The following DAB1 variants were observed in gnomAD, a reference collection of about 807,000 sequenced individuals.
The protein encoded by DAB1 is disabled homolog 1.
A neutral mutation model predicts 64.6 loss-of-function variants in DAB1; 15 were observed. The observed-to-expected ratio is 0.23, with a 90% CI of 0.16 to 0.36. DAB1 has a LOEUF of 0.36. Among genes scored for constraint, DAB1 ranks in the 10% least tolerant of loss-of-function variants. The pLI is 1.00. For synonymous variants in DAB1, 235 were observed against 251.9 expected (o/e 0.93, Z 0.64); for missense variants, 596 against 706.7 (o/e 0.84, Z 1.78).
intron 1 of DAB1, among the ~76,000 whole-genome samples, chr1:57,362,336 G>GT (rs1411164908): frequency 1.8e-5 from 2 of 112,764 alleles, no homozygotes; most frequent in African/African-American, 7.1e-5. Context: ...ATCATTGTTA[G>GT]TATTTATTAC....
intron 5 of DAB1, among the ~76,000 whole-genome samples, chr1:58,079,675 C>A (rs971873564): frequency 6.6e-6 from 1 of 151,886 alleles, no homozygotes; most frequent in African/African-American, 2.4e-5. Context: ...CACCTGCCAC[C>A]ACGCCTGGCT....
At chr1:57,038,246 G>T (rs150862199) in intron 9 of DAB1, among the ~76,000 whole-genome samples, 2 of 152,288 alleles carry the variant, frequency 1.3e-5, no homozygotes, top group African/African-American at 4.8e-5. Context: ...TGTCTAGACA[G>T]TACCATGAAA....
intron 1 of DAB1, chr1:58,530,625 C>G (rs1199111859): frequency 1.1e-6 from 1 of 872,710 alleles, no homozygotes; most frequent in Non-Finnish European, 2.0e-6. Context: ...ACTGTATCCA[C>G]TGGCACAAAA....
chr1:58,404,070 G>A (rs1644595301), intron 3 of DAB1, among the ~76,000 whole-genome samples: 1 of 152,200 alleles, frequency 6.6e-6, no homozygotes, highest in African/African-American at 2.4e-5. Context: ...GGTAGAACTA[G>A]AGCCAAGTTA....
intron 1 of DAB1, among the ~76,000 whole-genome samples, chr1:57,851,137 T>G (rs544901244): frequency 1.3e-5 from 2 of 152,360 alleles, no homozygotes; most frequent in South Asian, 2.1e-4. Context: ...TGCTAGCATC[T>G]ACCATTAAGA....
chr1:57,594,826 T>C (rs575238408), intron 7 of DAB1, among the ~76,000 whole-genome samples: 40 of 152,274 alleles, frequency 2.6e-4, no homozygotes, highest in African/African-American at 9.1e-4. Context: ...TTCTCCTGCC[T>C]CAGCCTCCCG....
chr1:57,845,253 A>C (rs555246497), intron 1 of DAB1, among the ~76,000 whole-genome samples: 4 of 152,282 alleles, frequency 2.6e-5, no homozygotes, highest in African/African-American at 7.2e-5. Flanking sequence ...CAACATTCAC[A>C]ATCTGATGAT....
chr1:57,360,715 G>C (rs918859955), intron 1 of DAB1, among the ~76,000 whole-genome samples: 3 of 152,092 alleles, frequency 2.0e-5, no homozygotes, highest in Admixed American at 2.0e-4. Context: ...AATTGCTTGA[G>C]TTTTAAAAGA....
intron 5 of DAB1, among the ~76,000 whole-genome samples, chr1:58,146,142 G>A (rs146772360): frequency 1.3e-5 from 2 of 152,082 alleles, no homozygotes; most frequent in Non-Finnish European, 2.9e-5. Flanking sequence ...TGACTGTTTA[G>A]GTTATTGGTA....
intron 3 of DAB1, among the ~76,000 whole-genome samples, chr1:58,464,444 A>G (rs1249720395): frequency 6.6e-6 from 1 of 152,112 alleles, no homozygotes; most frequent in African/African-American, 2.4e-5. Context: ...TATATTCTAA[A>G]TGGGGCCAGA....
At chr1:57,666,880 A>C in intron 6 of DAB1, among the ~76,000 whole-genome samples, 1 of 110,116 alleles carries the variant, frequency 9.1e-6, no homozygotes, top group South Asian at 3.3e-4. Context: ...GGGAGGGGGA[A>C]GGGGAGAGGG....
chr1:57,325,615 A>T lies in DAB1; in HGVS notation c.-136-34449T>A, dbSNP rs114119814. Among the ~76,000 whole-genome samples, 1,003 of 152,268 alleles carry T rather than the reference A, an allele frequency of 6.6e-3. 9 individuals are homozygous for T. Among genetic ancestry groups the T allele is most frequent in the African/African-American group, 0.022 (897 of 41,536 alleles). ...ATATTTCACTATTTACTAGACTGTG[A>T]GCTCCTGAAGGATGCAGACTGTGTC... On this transcript the variant is annotated intron_variant, in intron 1 of 14. Coordinates refer to ENST00000371236, the MANE Select transcript of DAB1 (RefSeq NM_001365792.1).
chr1:57,289,809 T>C (rs1310595034), intron 2 of DAB1, among the ~76,000 whole-genome samples: 1 of 152,044 alleles, frequency 6.6e-6, no homozygotes, highest in Non-Finnish European at 1.5e-5. Context: ...CCCATGCAGC[T>C]GAGAAAACAA....
chr1:58,391,641 C>A (rs1644476772), intron 3 of DAB1, among the ~76,000 whole-genome samples: 1 of 152,180 alleles, frequency 6.6e-6, no homozygotes, highest in South Asian at 2.1e-4. Context: ...GCTTTCCAAG[C>A]CTCAATCTCC....
chr1:58,454,484 C>G lies in DAB1; in HGVS notation n.257+51576G>C, dbSNP rs116466408. Reference sequence around the variant, plus strand: ...CTCAGAGTTCACCTTGAGCAAGAGACGGCCACAGCAACACAGAAAAGCTTT... The same window carrying G: ...CTCAGAGTTCACCTTGAGCAAGAGAGGGCCACAGCAACACAGAAAAGCTTT... On this transcript the variant is annotated intron_variant and non_coding_transcript_variant, in intron 3 of 20. Coordinates refer to the DAB1 transcript ENST00000485760. Among the ~76,000 whole-genome samples the G allele has an allele frequency of 5.9e-5, 9 of 152,228 alleles. 1 individual carries two copies. Among genetic ancestry groups the G allele is most frequent in the Admixed American group, 5.9e-4 (9 of 15,298 alleles).
intron 5 of DAB1, among the ~76,000 whole-genome samples, chr1:58,011,873 T>C (rs1319837228): frequency 6.6e-6 from 1 of 152,130 alleles, no homozygotes; most frequent in Non-Finnish European, 1.5e-5. Context: ...GTATTTTTAG[T>C]AGAGACAGGG....
intron 5 of DAB1, among the ~76,000 whole-genome samples, chr1:57,899,662 G>A (rs1644444119): frequency 6.6e-6 from 1 of 151,612 alleles, no homozygotes; most frequent in African/African-American, 2.4e-5. Context: ...AGGATTCCTT[G>A]TTTTCCACAA....
intron 3 of DAB1, among the ~76,000 whole-genome samples, chr1:58,441,388 A>C (rs1645006342): frequency 6.6e-6 from 1 of 152,190 alleles, no homozygotes; most frequent in South Asian, 2.1e-4. Flanking sequence ...TGCCGGCTAC[A>C]TACAGTGTAG....
At chr1:58,118,609 CATATAT>C (rs774322526) in intron 5 of DAB1, among the ~76,000 whole-genome samples, 1 of 109,648 alleles carries the variant, frequency 9.1e-6, no homozygotes, top group African/African-American at 3.8e-5. Flanking sequence ...TATATATATA[CATATAT>C]ATATATAAAA....
Sources: allele counts gnomAD v4.1 joint callset (sites outside exome capture counted in the v4.1 genomes callset), GRCh38; gene constraint gnomAD v4.1.1; transcripts MANE v1.5; gene names NCBI Gene and HGNC (gene_info 2026-07-23, HGNC 2026-07-21).